Variants in TRMT13 observed in about 807,000 individuals in gnomAD.
TRMT13 encodes tRNA:m(4)X modification enzyme TRM13 homolog.
Under a neutral mutation model 55.9 loss-of-function variants are expected in TRMT13, and 45 were observed. The ratio of observed to expected loss-of-function variants is 0.80; its 90% CI spans 0.63 to 1.03. The LOEUF is 1.03. TRMT13 is among the 50% of genes least tolerant of loss of function. TRMT13 has a pLI of 0.00. For missense variants in TRMT13, 513 were observed against 563.9 expected, an observed-to-expected ratio of 0.91 and a Z score of 0.91; for synonymous variants, 183 against 196.3, an observed-to-expected ratio of 0.93 and a Z score of 0.57.
intron 7 of TRMT13, among the ~76,000 whole-genome samples, chr1:100,141,396 C>T (rs1019091866): frequency 1.3e-5 from 2 of 152,192 alleles, no homozygotes; most frequent in African/African-American, 2.4e-5. Context: ...GTGGCAGGAT[C>T]GTGGCTCACT....
At position 100,140,458 on chromosome 1, in the gene TRMT13, G is replaced by A. The variant is rs754862301; in HGVS notation, c.445G>A (p.Asp149Asn). 3.1e-6 allele frequency: 5 copies of A among 1,613,826 alleles called. No homozygotes were observed. The highest frequency in any genetic ancestry group is 2.7e-5 in the African/African-American group (2 of 74,878). ...DHIMSHPALHDALNDPKNGDS... is the reference protein window; with the variant it reads ...DHIMSHPALHNALNDPKNGDS... ...TATTATGTCCCATCCAGCATTACAC[G>A]ATGCACTTAATGACCCTAAAAATGG... Residue 149 changes from aspartate (D) to asparagine (N), a missense_variant, in exon 6 of 11, where the codon GAT (aspartate) becomes AAT (asparagine). By Grantham distance (23) the Asp-to-Asn change is conservative. This residue lies in a region of TRMT13 where 298 missense variants were observed against 290.3 expected (regional missense o/e 1.03). Coordinates refer to ENST00000370141, the MANE Select transcript of TRMT13 (RefSeq NM_019083.3).
At chr1:100,145,973 G>A (rs376711502) in intron 9 of TRMT13, among the ~76,000 whole-genome samples, 1 of 152,126 alleles carries the variant, frequency 6.6e-6, no homozygotes, top group South Asian at 2.1e-4. Flanking sequence ...TTGACATAAC[G>A]TTTTAGTCTC....
At chr1:100,146,727 A>C (rs7553958) in intron 9 of TRMT13, among the ~76,000 whole-genome samples, 5,323 of 152,256 alleles carry the variant, frequency 0.035, 334 homozygotes, top group African/African-American at 0.12. Context: ...GAAGGTCTCC[A>C]TCTCCTGACC....
chr1:100,136,165 G>C (rs544780642), intron 1 of TRMT13, among the ~76,000 whole-genome samples: 1 of 152,306 alleles, frequency 6.6e-6, no homozygotes, highest in East Asian at 1.9e-4. Context: ...TTAGGAATGA[G>C]TAGGATGTAA....
chr1:100,133,420 C>T, intron 1 of TRMT13, 105 bp downstream of exon 1: 1 of 1,327,668 alleles, frequency 7.5e-7, no homozygotes, highest in Non-Finnish European at 1.0e-6. Flanking sequence ...GCTTGTGTCC[C>T]CTGGATTCTC....
intron 8 of TRMT13, 91 bp downstream of exon 8, chr1:100,143,300 G>GC: frequency 2.9e-6 from 2 of 699,794 alleles, no homozygotes; most frequent in Admixed American, 2.9e-5. Context: ...GCAGAACTGT[G>GC]CTTCAGGGAA....
At chr1:100,138,175 G>A (rs1656128570) in intron 3 of TRMT13, among the ~76,000 whole-genome samples, 1 of 152,212 alleles carries the variant, frequency 6.6e-6, no homozygotes, top group Admixed American at 6.5e-5. Context: ...ACTATGTAGA[G>A]TAGGACACTT....
intron 3 of TRMT13, among the ~76,000 whole-genome samples, chr1:100,137,449 C>T (rs1656027192): frequency 6.6e-6 from 1 of 152,186 alleles, no homozygotes. Flanking sequence ...ACTCCTGCCT[C>T]AGCCTCCCAA....
At chr1:100,135,881 A>G (rs1470464085) in intron 1 of TRMT13, among the ~76,000 whole-genome samples, 2 of 152,218 alleles carry the variant, frequency 1.3e-5, no homozygotes, top group Admixed American at 6.5e-5. Flanking sequence ...CCATAAGGTT[A>G]TAATACTGTA....
In TRMT13 at chr1:100,137,034, T is replaced by A; in HGVS notation, c.210T>A (p.Asp70Glu). 6.2e-7 allele frequency: 1 copy of A among 1,612,846 alleles called. No homozygotes were observed. The highest frequency in any genetic ancestry group is 1.1e-5 in the South Asian group (1 of 90,828). ...PLDPKHTVYEDQLAKHLKKCN... is the reference protein window; with the variant it reads ...PLDPKHTVYEEQLAKHLKKCN... ...TTAAATTTAGCACAGTATATGAAGA[T>A]CAACTAGCAAAGCATTTGAAAAAAT... Residue 70 changes from aspartate (D) to glutamate (E), a missense_variant, in exon 3 of 11, where the codon GAT becomes GAA. Coordinates refer to ENST00000370141, the MANE Select transcript of TRMT13 (RefSeq NM_019083.3).
Position 100,133,308 on chromosome 1 carries a change from C to T in TRMT13, c.140C>T (p.Ala47Val), listed in dbSNP as rs763960724. The T allele has an allele frequency of 3.1e-6, 5 of 1,613,954 alleles. No individual in the cohort carries two copies. The highest frequency in any genetic ancestry group is 4.5e-5 in the East Asian group (2 of 44,876). ...AGATTTTGTGGTGAACACGCTGGAG[C>T]CGCGGAGGTGTGGTATCGCCCTACT... ...GKRFCGEHAG[A>V]AEEEDARKRI... The change falls in exon 1 of 11, where the codon GCC becomes GTC. Residue 47 changes from alanine (A) to valine (V), a missense_variant. Physicochemically the swap from Ala to Val is moderately conservative, Grantham distance 64 (BLOSUM62 0). Around this residue, in one of 3 missense-constraint regions of TRMT13, gnomAD observed 298 missense variants for 290.3 expected, o/e 1.03. Coordinates refer to ENST00000370141, the MANE Select transcript of TRMT13 (RefSeq NM_019083.3).
rs760101160 is a variant in TRMT13 at position 100,140,910 on chromosome 1, T to C, written c.560T>C (p.Val187Ala). 2 of 1,613,826 alleles carry C rather than the reference T, an allele frequency of 1.2e-6. No homozygotes were observed. Among genetic ancestry groups the C allele is most frequent in the Non-Finnish European group, 1.7e-6 (2 of 1,179,834 alleles). ...LKLLGPRRCF[V>A]EFGAGKGKLS... is the part of the protein sequence containing the mutation. ...TTACTTGGTCCAAGAAGATGCTTTG[T>C]TGAGTTTGGAGCGGGAAAGGGAAAA... Residue 187 changes from valine to alanine, a missense_variant, in exon 7 of 11, where the codon GTT becomes GCT. Physicochemically the swap from Val to Ala is moderately conservative, Grantham distance 64 (BLOSUM62 0). This residue lies in a region of TRMT13 where 298 missense variants were observed against 290.3 expected (regional missense o/e 1.03). Coordinates refer to ENST00000370141, the MANE Select transcript of TRMT13 (RefSeq NM_019083.3).
Position 100,149,743 on chromosome 1 carries a change from C to A in TRMT13, c.*923C>A, listed in dbSNP as rs980613945. ...TTTCTATGCACAAGAAAATACTAAA[C>A]CAAATATATGGTAGGACTGTTATTC... On this transcript the variant is annotated 3_prime_UTR_variant, in exon 11 of 11. Coordinates refer to ENST00000370141, the MANE Select transcript of TRMT13 (RefSeq NM_019083.3). 1 of 219,048 alleles carries A rather than the reference C, an allele frequency of 4.6e-6. No individual in the cohort carries two copies. The highest frequency in any genetic ancestry group is 2.4e-5 in the African/African-American group (1 of 42,398). The allele number at this position is 219,048 out of a possible 1,614,324, so 13.6% of individuals were successfully genotyped here. A position where few individuals can be genotyped will look rare whatever the true frequency, so the allele number is the denominator to read the frequency against.
chr1:100,138,323 C>G (rs1656144360), intron 3 of TRMT13, among the ~76,000 whole-genome samples: 1 of 152,172 alleles, frequency 6.6e-6, no homozygotes, highest in Non-Finnish European at 1.5e-5. Context: ...ATTTAAAAAT[C>G]TAATCTACAA....
chr1:100,133,933 G>C (rs1655423262), intron 1 of TRMT13, among the ~76,000 whole-genome samples: 1 of 151,932 alleles, frequency 6.6e-6, no homozygotes, highest in South Asian at 2.1e-4. Flanking sequence ...TAAGAAAATC[G>C]TGGTGGTGCG....
chr1:100,146,349 A>G (rs1657249454), intron 9 of TRMT13, among the ~76,000 whole-genome samples: 1 of 152,200 alleles, frequency 6.6e-6, no homozygotes, highest in South Asian at 2.1e-4. Context: ...ATATAACAGG[A>G]ACACAGTGAA....
At position 100,133,186 on chromosome 1, in the gene TRMT13, G is replaced by A. The variant is rs1477362222; in HGVS notation, c.18G>A (p.Thr6=). 6.2e-7 allele frequency: 1 copy of A among 1,614,202 alleles called. No individual in the cohort carries two copies. The highest frequency in any genetic ancestry group is 1.1e-5 in the South Asian group (1 of 91,084). Residue 6 remains threonine (T), a synonymous_variant, in exon 1 of 11, where the codon ACG becomes ACA. Coordinates refer to ENST00000370141, the MANE Select transcript of TRMT13 (RefSeq NM_019083.3). ...CTAGAATTATGGCGACCTCCGCGACGTCGCCGCACGCGCCTGGTTTTCCAG... is the reference window on the plus strand; with the variant it reads ...CTAGAATTATGGCGACCTCCGCGACATCGCCGCACGCGCCTGGTTTTCCAG... The part of the protein sequence containing the change: MATSA[T]SPHAPGFPAE...
chr1:100,139,540 G>A (rs1656332922), intron 3 of TRMT13, 109 bp from the exon 4 acceptor site: 1 of 654,266 alleles, frequency 1.5e-6, no homozygotes, highest in Non-Finnish European at 2.7e-6. Context: ...TGGAGGAAGG[G>A]AGGATGGCAG....
intron 7 of TRMT13, 150 bp downstream of exon 7, chr1:100,141,169 A>G: frequency 1.5e-6 from 1 of 677,024 alleles, no homozygotes; most frequent in East Asian, 2.9e-5. Context: ...AATTGTATTG[A>G]TAACTCAAAC....
Sources: gnomAD v4.1 joint callset for allele counts (sites outside exome capture counted in the v4.1 genomes callset) on GRCh38, gnomAD v4.1.1 for gene constraint, gnomAD v4.1.1 regional missense constraint, MANE v1.5 for transcripts, NCBI Gene and HGNC (gene_info 2026-07-23, HGNC 2026-07-21) for gene names.